PTPRD: variants seen among roughly 807,000 people sequenced by gnomAD.
PTPRD encodes the protein protein tyrosine phosphatase receptor type D.
Under a neutral mutation model 214.5 loss-of-function variants are expected in PTPRD, and 34 were observed. That is an observed-to-expected ratio of 0.16 (90% CI 0.12 to 0.21). The LOEUF is 0.21. PTPRD is among the 10% of genes least tolerant of loss of function. PTPRD has a pLI of 1.00. For missense variants in PTPRD, 2,545 were observed against 2,398.7 expected (o/e 1.06, Z -1.27); for synonymous variants, 1,128 against 845.7 (o/e 1.33, Z -5.79).
At chr9:9,417,874 TC>T (rs2077448186) in intron 8 of PTPRD, among the ~76,000 whole-genome samples, 1 of 152,092 alleles carries the variant, frequency 6.6e-6, no homozygotes, top group Non-Finnish European at 1.5e-5. Flanking sequence ...TAATGTGAAA[TC>T]ATTTCATTTC....
rs1564921307 is a variant in PTPRD at position 10,271,538 on chromosome 9, TCTTTTC to T, written c.-545+69419_-545+69424del. On this transcript the variant is annotated intron_variant, in intron 3 of 45. Coordinates refer to ENST00000381196, the MANE Select transcript of PTPRD (RefSeq NM_002839.4). Reference sequence around the variant, plus strand: ...TACTGATAAATTCAATTGTTTCTTTTCTTTTCTTTTCTTTTTTTTTTTGAGACGGAA... The same window carrying T: ...TACTGATAAATTCAATTGTTTCTTTTTTTTCTTTTTTTTTTTGAGACGGAA... Among the ~76,000 whole-genome samples, 93 of 137,092 alleles carry T rather than the reference TCTTTTC, an allele frequency of 6.8e-4. 6 individuals are homozygous for T. The highest frequency in any genetic ancestry group is 4.1e-3 in the Middle Eastern group (1 of 246). The allele number at this position is 137,092 out of a possible 152,430, so 89.9% of individuals were successfully genotyped here.
chr9:10,457,284 T>C (rs966283505), intron 2 of PTPRD, among the ~76,000 whole-genome samples: 3 of 151,960 alleles, frequency 2.0e-5, no homozygotes, highest in Non-Finnish European at 2.9e-5. Context: ...GATCGGGATA[T>C]TGAAAGTTTC....
intron 4 of PTPRD, among the ~76,000 whole-genome samples, chr9:9,958,937 G>T (rs529647634): frequency 8.3e-4 from 127 of 152,192 alleles, no homozygotes; most frequent in African/African-American, 3.0e-3. Context: ...TTAGAAAAAG[G>T]TTTGGTGGGC....
At chr9:10,037,145 C>T (rs2097199559) in intron 3 of PTPRD, among the ~76,000 whole-genome samples, 1 of 152,186 alleles carries the variant, frequency 6.6e-6, no homozygotes, top group South Asian at 2.1e-4. Flanking sequence ...TCTGCCTCAG[C>T]CTCCCAAAGT....
chr9:10,083,522 T>C (rs1005176150), intron 3 of PTPRD, among the ~76,000 whole-genome samples: 31 of 152,090 alleles, frequency 2.0e-4, no homozygotes, highest in African/African-American at 6.8e-4. Context: ...TTCATGTCTA[T>C]AAAACACATT....
intron 21 of PTPRD, among the ~76,000 whole-genome samples, chr9:8,512,456 T>C (rs2097701186): frequency 6.6e-6 from 1 of 152,070 alleles, no homozygotes; most frequent in Non-Finnish European, 1.5e-5. Flanking sequence ...CTTTGGTTAT[T>C]AGAAAGCAGT....
intron 14 of PTPRD, among the ~76,000 whole-genome samples, chr9:8,613,571 T>C (rs192207134): frequency 2.2e-4 from 34 of 152,234 alleles, no homozygotes; most frequent in Admixed American, 2.0e-3. Context: ...AAAGTTTGAA[T>C]CTCCTGCCTC....
intron 2 of PTPRD, among the ~76,000 whole-genome samples, chr9:10,560,777 C>T (rs1025714065): frequency 6.6e-6 from 1 of 152,000 alleles, no homozygotes; most frequent in African/African-American, 2.4e-5. Flanking sequence ...ATTAAAATTA[C>T]AAATTTAGTT....
intron 39 of PTPRD, 119 bp downstream of exon 39, chr9:8,375,817 G>C: frequency 8.2e-7 from 1 of 1,217,752 alleles, no homozygotes; most frequent in Non-Finnish European, 1.1e-6. Flanking sequence ...GACCAAAAGA[G>C]AGCTGTATTA....
At chr9:9,171,101 T>G (rs760359115) in intron 10 of PTPRD, among the ~76,000 whole-genome samples, 5 of 152,058 alleles carry the variant, frequency 3.3e-5, no homozygotes. Flanking sequence ...AAATTGAAAG[T>G]CAAAACAAGA....
chr9:8,954,311 A>G (rs1421894005), intron 11 of PTPRD, among the ~76,000 whole-genome samples: 2 of 151,832 alleles, frequency 1.3e-5, no homozygotes, highest in Admixed American at 6.6e-5. Flanking sequence ...CATGAACATA[A>G]AAAAAGGAGC....
intron 7 of PTPRD, among the ~76,000 whole-genome samples, chr9:9,639,785 T>C (rs2095877738): frequency 6.6e-6 from 1 of 152,230 alleles, no homozygotes; most frequent in African/African-American, 2.4e-5. Context: ...TATCCATTGT[T>C]CCATATACTA....
At chr9:8,472,422 T>G (rs1199683455) in intron 30 of PTPRD, among the ~76,000 whole-genome samples, 1 of 152,182 alleles carries the variant, frequency 6.6e-6, no homozygotes, top group Non-Finnish European at 1.5e-5. Context: ...GCAAGGCCTC[T>G]TTCTATTCAT....
At chr9:10,225,659 G>A (rs889431855) in intron 3 of PTPRD, among the ~76,000 whole-genome samples, 9 of 152,044 alleles carry the variant, frequency 5.9e-5, no homozygotes, top group African/African-American at 1.9e-4. Flanking sequence ...GAATATGCCA[G>A]TCTAGGAACA....
intron 3 of PTPRD, among the ~76,000 whole-genome samples, chr9:10,090,652 C>G (rs766704858): frequency 6.1e-5 from 9 of 146,888 alleles, no homozygotes; most frequent in Non-Finnish European, 1.4e-4. Flanking sequence ...CAACTAAGAA[C>G]CAGAATAAAT....
At chr9:10,039,865 T>A (rs2097263683) in intron 3 of PTPRD, among the ~76,000 whole-genome samples, 2 of 152,190 alleles carry the variant, frequency 1.3e-5, no homozygotes, top group South Asian at 4.1e-4. Context: ...ATTATGTCTG[T>A]TTGGCAAACA....
At chr9:8,736,432 A>C (rs934560097) in intron 11 of PTPRD, among the ~76,000 whole-genome samples, 2 of 152,208 alleles carry the variant, frequency 1.3e-5, no homozygotes, top group Non-Finnish European at 1.5e-5. Context: ...TAATTTTTAA[A>C]ACTGAAATAT....
chr9:8,985,089 C>T (rs1169335908), intron 11 of PTPRD, among the ~76,000 whole-genome samples: 3 of 152,004 alleles, frequency 2.0e-5, no homozygotes, highest in Admixed American at 2.0e-4. Flanking sequence ...TCGCAACAGA[C>T]AGTTTATTTC....
intron 15 of PTPRD, among the ~76,000 whole-genome samples, chr9:8,527,952 A>G (rs187271939): frequency 6.6e-6 from 1 of 152,270 alleles, no homozygotes; most frequent in Non-Finnish European, 1.5e-5. Context: ...TCATAGTATT[A>G]ATAAAAATCC....
Sources: allele counts gnomAD v4.1 joint callset (sites outside exome capture counted in the v4.1 genomes callset), GRCh38; gene constraint gnomAD v4.1.1; transcripts MANE v1.5; gene names NCBI Gene and HGNC (gene_info 2026-07-23, HGNC 2026-07-21).